NEGR1: variants seen among roughly 807,000 people sequenced by gnomAD.
NEGR1 encodes the protein IgLON family member 4.
A neutral mutation model predicts 40.9 loss-of-function variants in NEGR1; 10 were observed. That is an observed-to-expected ratio of 0.24 (90% CI 0.15 to 0.42). The LOEUF (loss-of-function observed/expected upper bound fraction) is 0.42. NEGR1 is among the 10% of genes least tolerant of loss of function. The pLI is 1.00. For synonymous variants in NEGR1, 185 were observed against 166.8 expected, an observed-to-expected ratio of 1.11 and a Z score of -0.84; for missense variants, 352 against 438.9, an observed-to-expected ratio of 0.80 and a Z score of 1.77.
rs1396913867 is a variant in NEGR1, at chr1:72,032,217, C to T, written c.177-96906G>A. Among the ~76,000 whole-genome samples, 3 of 152,082 alleles carry T rather than the reference C, an allele frequency of 2.0e-5. No homozygotes were observed. The East Asian group carries it at 5.8e-4, about 29-fold the overall frequency. On this transcript the variant is annotated intron_variant, in intron 1 of 6. Transcript: ENST00000357731. ...TATGATCACTCTAAAACCTGTAACACCTAGATTCTGTGAGGGATAATTTGG... is the reference window on the plus strand; with the variant it reads ...TATGATCACTCTAAAACCTGTAACATCTAGATTCTGTGAGGGATAATTTGG...
intron 4 of NEGR1, among the ~76,000 whole-genome samples, chr1:71,642,485 T>C (rs1414427354): frequency 1.3e-5 from 2 of 151,868 alleles, no homozygotes; most frequent in African/African-American, 4.8e-5. Context: ...AGAGATCAAC[T>C]TTGTAAGCCC....
chr1:71,466,549 T>C (rs755970514), intron 6 of NEGR1, among the ~76,000 whole-genome samples: 5 of 152,036 alleles, frequency 3.3e-5, no homozygotes, highest in Non-Finnish European at 4.4e-5. Flanking sequence ...TCGAGAGTAC[T>C]GGGAAGTGCA....
intron 6 of NEGR1, among the ~76,000 whole-genome samples, chr1:71,572,572 C>T (rs959082010): frequency 5.3e-5 from 8 of 152,188 alleles, no homozygotes; most frequent in Admixed American, 5.2e-4. Context: ...CCTGCTTAAG[C>T]ATTGATTTCC....
intron 1 of NEGR1, among the ~76,000 whole-genome samples, chr1:72,085,382 T>C (rs1223505710): frequency 2.0e-5 from 3 of 152,204 alleles, no homozygotes; most frequent in Non-Finnish European, 4.4e-5. Flanking sequence ...GTCCCTGGTA[T>C]GTGAAAGAGT....
At chr1:71,410,848 A>G (rs1356846612) in intron 6 of NEGR1, among the ~76,000 whole-genome samples, 1 of 152,150 alleles carries the variant, frequency 6.6e-6, no homozygotes, top group Non-Finnish European at 1.5e-5. Flanking sequence ...TCAAATTCCA[A>G]TCAACTACTT....
intron 6 of NEGR1, among the ~76,000 whole-genome samples, chr1:71,445,899 T>C (rs1236879342): frequency 6.6e-6 from 1 of 152,192 alleles, no homozygotes; most frequent in East Asian, 1.9e-4. Flanking sequence ...CAGAATTTCC[T>C]AGCTTTCTAT....
At chr1:71,704,071 A>G (rs150253076) in intron 3 of NEGR1, among the ~76,000 whole-genome samples, 1 of 152,094 alleles carries the variant, frequency 6.6e-6, no homozygotes, top group Non-Finnish European at 1.5e-5. Flanking sequence ...TACACATTTT[A>G]CACTAAGAAA....
At chr1:72,277,611 A>C (rs1170238484) in intron 1 of NEGR1, among the ~76,000 whole-genome samples, 27 of 152,212 alleles carry the variant, frequency 1.8e-4, no homozygotes, top group Admixed American at 1.8e-3. Context: ...GGTAACATTT[A>C]GCATTTATTA....
intron 1 of NEGR1, among the ~76,000 whole-genome samples, chr1:72,203,733 T>C (rs1327087847): frequency 2.6e-5 from 4 of 152,056 alleles, no homozygotes; most frequent in Non-Finnish European, 5.9e-5. Flanking sequence ...CAAACTTCAT[T>C]ATCCTCTTAT....
intron 2 of NEGR1, among the ~76,000 whole-genome samples, chr1:71,918,207 ACT>A (rs1488616124): frequency 1.7e-5 from 2 of 119,400 alleles, no homozygotes; most frequent in African/African-American, 6.4e-5. Flanking sequence ...ACAGAACGAG[ACT>A]CTGTCTCAAA....
chr1:72,100,093 G>A (rs1648875438), intron 1 of NEGR1, among the ~76,000 whole-genome samples: 1 of 152,096 alleles, frequency 6.6e-6, no homozygotes, highest in Non-Finnish European at 1.5e-5. Flanking sequence ...AAGGACTAAA[G>A]TAACTTTTTA....
chr1:71,594,933 C>G (rs1394310388), intron 5 of NEGR1, among the ~76,000 whole-genome samples: 1 of 152,190 alleles, frequency 6.6e-6, no homozygotes, highest in Non-Finnish European at 1.5e-5. Flanking sequence ...GACTATTTAC[C>G]TGCCGAAGAG....
At chr1:71,486,000 G>T (rs1441421146) in intron 6 of NEGR1, among the ~76,000 whole-genome samples, 1 of 151,588 alleles carries the variant, frequency 6.6e-6, no homozygotes, top group African/African-American at 2.4e-5. Flanking sequence ...ACAAGAAATT[G>T]CCAAACTGTC....
chr1:72,171,209 G>C (rs1557561320), intron 1 of NEGR1, among the ~76,000 whole-genome samples: 1 of 152,016 alleles, frequency 6.6e-6, no homozygotes, highest in African/African-American at 2.4e-5. Context: ...AAAATTAAAA[G>C]AACAAACAGC....
intron 1 of NEGR1, among the ~76,000 whole-genome samples, chr1:71,942,452 AATCT>A (rs1181442033): frequency 5.8e-5 from 2 of 34,262 alleles, no homozygotes; most frequent in African/African-American, 1.9e-4. Flanking sequence ...AAATTCTTTA[AATCT>A]ATATATATAT....
chr1:72,065,287 A>C (rs1647245961), intron 1 of NEGR1, among the ~76,000 whole-genome samples: 1 of 151,960 alleles, frequency 6.6e-6, no homozygotes, highest in Non-Finnish European at 1.5e-5. Context: ...GAATCTCCCA[A>C]TTTCTTCTTA....
intron 1 of NEGR1, among the ~76,000 whole-genome samples, chr1:72,166,769 C>T (rs567951478): frequency 1.8e-4 from 27 of 152,006 alleles, no homozygotes; most frequent in Middle Eastern, 3.4e-3. Flanking sequence ...CTGGGGAAGA[C>T]GGATGGATGT....
intron 1 of NEGR1, among the ~76,000 whole-genome samples, chr1:72,074,016 C>A (rs1296572491): frequency 3.3e-5 from 5 of 152,000 alleles, no homozygotes; most frequent in East Asian, 3.9e-4. Flanking sequence ...AAAATAAAAT[C>A]TTTCATCAAT....
At chr1:72,195,863 C>T (rs1652982954) in intron 1 of NEGR1, among the ~76,000 whole-genome samples, 1 of 151,896 alleles carries the variant, frequency 6.6e-6, no homozygotes, top group Non-Finnish European at 1.5e-5. Flanking sequence ...TGCAATTTTT[C>T]TTGTTGTTAT....
Sources: allele counts gnomAD v4.1 joint callset (sites outside exome capture counted in the v4.1 genomes callset), GRCh38; gene constraint gnomAD v4.1.1; transcripts MANE v1.5; gene names NCBI Gene and HGNC (gene_info 2026-07-23, HGNC 2026-07-21).